MYO18B: variants seen among roughly 807,000 people sequenced by gnomAD.
MYO18B encodes myosin XVIIIB, also known as unconventional myosin-XVIIIb.
MYO18B carries 204 observed loss-of-function variants against 273.0 expected under a neutral mutation model. That is an observed-to-expected ratio of 0.75 (90% confidence interval 0.67 to 0.84). The LOEUF (loss-of-function observed/expected upper bound fraction) is 0.84. Among genes scored for constraint, MYO18B ranks in the 40% least tolerant of loss-of-function variants. MYO18B has a pLI of 0.00. For missense variants in MYO18B, 3,212 were observed against 3,287.6 expected (o/e 0.98, Z 0.56); for synonymous variants, 1,330 against 1,305.7 (o/e 1.02, Z -0.40).
intron 39 of MYO18B, among the ~76,000 whole-genome samples, chr22:25,969,838 A>G (rs2093017531): frequency 6.6e-6 from 1 of 152,224 alleles, no homozygotes; most frequent in Non-Finnish European, 1.5e-5. Flanking sequence ...ACTGCTTCAC[A>G]GCATTGTGGG....
At chr22:25,881,842 AAGCC>A (rs1254410990) in intron 25 of MYO18B, among the ~76,000 whole-genome samples, 2 of 152,140 alleles carry the variant, frequency 1.3e-5, no homozygotes, top group African/African-American at 4.8e-5. Context: ...AAAGTGAAGA[AAGCC>A]AGAGCAAAGG....
rs2090432809 is a variant in MYO18B, at chr22:25,851,689, G to A, written c.3885+110G>A. 3.8e-6 allele frequency: 3 copies of A among 797,436 alleles called. No individual in the cohort carries two copies. In the African/African-American group the frequency reaches 5.1e-5, roughly 14 times the overall value. 49.4% of individuals were successfully genotyped at this position (797,436 alleles called of 1,614,324 possible). On this transcript the variant is annotated intron_variant, in intron 21 of 43. Coordinates refer to ENST00000335473, the MANE Select transcript of MYO18B (RefSeq NM_032608.7). The stretch of plus-strand genomic sequence containing the variant: ...AGTGGCTCATGCCTGTAATCTCAGT[G>A]CTTTGGGATACCCAGGTGGGTGGAT...
chr22:25,780,098 G>A lies in MYO18B; in HGVS notation c.2111G>A (p.Gly704Asp). The A allele has an allele frequency of 6.2e-7, 1 of 1,600,208 alleles. No homozygotes were observed. The highest frequency in any genetic ancestry group is 1.1e-5 in the South Asian group (1 of 88,254). ...ACCTTCACTGTCCTCCGGGCCTTCG[G>A]CTCTGTGTCCATGGCCCACAGCCGC... ...RATFTVLRAFGSVSMAHSRSA... is the reference protein window; with the variant it reads ...RATFTVLRAFDSVSMAHSRSA... Residue 704 changes from glycine (G) to aspartate (D), a missense_variant, in exon 9 of 44, where the codon GGC becomes GAC. Physicochemically the swap from Gly to Asp is moderately conservative, Grantham distance 94. Transcript: ENST00000335473.
At chr22:25,872,537 C>G (rs556916585) in intron 22 of MYO18B, among the ~76,000 whole-genome samples, 1 of 152,288 alleles carries the variant, frequency 6.6e-6, no homozygotes, top group South Asian at 2.1e-4. Context: ...GGAGAAAGCA[C>G]TTTGGAAAAT....
chr22:25,825,535 C>T (rs1489965149), intron 13 of MYO18B, among the ~76,000 whole-genome samples: 3 of 151,992 alleles, frequency 2.0e-5, no homozygotes, highest in East Asian at 1.9e-4. Context: ...CATATACATG[C>T]GTGTGTGTGT....
At chr22:25,934,990 G>A (rs181702339) in intron 34 of MYO18B, among the ~76,000 whole-genome samples, 3 of 152,010 alleles carry the variant, frequency 2.0e-5, no homozygotes, top group East Asian at 1.9e-4. Flanking sequence ...GTGCACACAC[G>A]CGGTGTGTTT....
chr22:25,922,596 C>T (rs9608430), intron 34 of MYO18B, among the ~76,000 whole-genome samples: 48,696 of 151,858 alleles, frequency 0.32, 8,092 homozygotes, highest in Middle Eastern at 0.36. Flanking sequence ...CAGATGCCTT[C>T]GCCACCTGCC....
chr22:25,785,386 G>T (rs747051524), intron 10 of MYO18B, 42 bp from the exon 11 acceptor site: 2 of 1,572,910 alleles, frequency 1.3e-6, no homozygotes, highest in Non-Finnish European at 1.7e-6. Context: ...CAGGGCTGGT[G>T]TGGACAGCCC....
rs749548943 is a variant in MYO18B, at chr22:25,898,440, A to G, written c.4802A>G (p.Glu1601Gly). Residue 1601 changes from glutamate (E) to glycine (G), a missense_variant, in exon 29 of 44, where the codon GAG becomes GGG. Coordinates refer to ENST00000335473, the MANE Select transcript of MYO18B (RefSeq NM_032608.7). Reference sequence around the variant, plus strand: ...GAGAACCAACAAAGTCGAAACCATGAGCTGGAGAAGAAGCAGAAGAAGTGA... The same window carrying G: ...GAGAACCAACAAAGTCGAAACCATGGGCTGGAGAAGAAGCAGAAGAAGTGA... Reference protein sequence around the residue: ...LLENQQSRNHELEKKQKKFDL... With the variant: ...LLENQQSRNHGLEKKQKKFDL... 1.3e-5 allele frequency: 21 copies of G among 1,613,694 alleles called. No individual in the cohort carries two copies. The Admixed American group carries it at 3.5e-4, about 27-fold the overall frequency.
chr22:25,932,882 A>G (rs1394478817), intron 34 of MYO18B, among the ~76,000 whole-genome samples: 1 of 152,026 alleles, frequency 6.6e-6, no homozygotes, highest in Non-Finnish European at 1.5e-5. Context: ...AAGTACCCAC[A>G]TATATACTTG....
Position 25,856,570 on chromosome 22 carries a change from G to A in MYO18B, c.3885+4991G>A, listed in dbSNP as rs151331772. Among the ~76,000 whole-genome samples the A allele has an allele frequency of 1.4e-4, 21 of 152,310 alleles. No individual in the cohort carries two copies. In the East Asian group the frequency reaches 3.7e-3, roughly 27 times the overall value. On this transcript the variant is annotated intron_variant, in intron 21 of 43. Coordinates refer to ENST00000335473, the MANE Select transcript of MYO18B (RefSeq NM_032608.7). Reference sequence around the variant, plus strand: ...AAGGGAGGTGAGAGTGGGGCACTCAGGGAAGACATTTCAGAAGTAGGTGAT... The same window carrying A: ...AAGGGAGGTGAGAGTGGGGCACTCAAGGAAGACATTTCAGAAGTAGGTGAT...
intron 34 of MYO18B, among the ~76,000 whole-genome samples, chr22:25,939,559 T>C (rs1465205203): frequency 1.3e-5 from 2 of 152,220 alleles, no homozygotes; most frequent in African/African-American, 4.8e-5. Context: ...CAGGAGGCGA[T>C]GCTCTGATTG....
chr22:25,987,091 GC>G (rs2093210318), intron 39 of MYO18B, among the ~76,000 whole-genome samples: 1 of 152,110 alleles, frequency 6.6e-6, no homozygotes, highest in Admixed American at 6.5e-5. Flanking sequence ...ACTTTGGGGG[GC>G]CTTGGGAGAC....
chr22:25,824,008 A>G (rs2089391916), intron 13 of MYO18B, among the ~76,000 whole-genome samples: 1 of 152,122 alleles, frequency 6.6e-6, no homozygotes, highest in Admixed American at 6.5e-5. Context: ...AGTAGGGGAA[A>G]GACTAGTCTT....
intron 21 of MYO18B, among the ~76,000 whole-genome samples, chr22:25,862,467 G>A (rs2090765160): frequency 6.6e-6 from 1 of 152,148 alleles, no homozygotes; most frequent in African/African-American, 2.4e-5. Context: ...CTTGCATCCT[G>A]AAGGACTTCC....
chr22:25,803,243 G>C (rs1002807703), intron 12 of MYO18B, among the ~76,000 whole-genome samples: 1 of 152,130 alleles, frequency 6.6e-6, no homozygotes, highest in African/African-American at 2.4e-5. Flanking sequence ...GATTACAGGC[G>C]TGAGCCACCA....
chr22:26,007,113 C>T (rs1934495493), intron 42 of MYO18B, among the ~76,000 whole-genome samples: 1 of 152,126 alleles, frequency 6.6e-6, no homozygotes, highest in Non-Finnish European at 1.5e-5. Flanking sequence ...AGTGCTTGCA[C>T]CAAGAACAGG....
At chr22:25,873,063 T>C (rs1023523938) in intron 22 of MYO18B, among the ~76,000 whole-genome samples, 3 of 152,204 alleles carry the variant, frequency 2.0e-5, no homozygotes, top group African/African-American at 4.8e-5. Context: ...CCTTGCGCAT[T>C]GGCAGGAGCA....
intron 34 of MYO18B, among the ~76,000 whole-genome samples, chr22:25,935,597 A>G (rs903713956): frequency 1.1e-5 from 1 of 91,228 alleles, no homozygotes; most frequent in Admixed American, 9.4e-5. Flanking sequence ...AAAAGAAGAG[A>G]AAAAAAAAAA....
Sources: gnomAD v4.1 joint callset for allele counts (sites outside exome capture counted in the v4.1 genomes callset) on GRCh38, gnomAD v4.1.1 for gene constraint, MANE v1.5 for transcripts, NCBI Gene and HGNC (gene_info 2026-07-23, HGNC 2026-07-21) for gene names.